The following AGMO variants were observed in gnomAD, a reference collection of about 807,000 sequenced individuals.
AGMO encodes alkylglycerol monooxygenase.
AGMO carries 75 observed loss-of-function variants against 60.2 expected under a neutral mutation model. The observed-to-expected ratio is 1.25, with a 90% CI of 1.03 to 1.51. The LOEUF (loss-of-function observed/expected upper bound fraction) is 1.51. Among genes scored for constraint, AGMO ranks in the 40% most tolerant of loss-of-function variants. The probability of loss-of-function intolerance (pLI) is 0.00; values close to 1 mark genes in which losing one functional copy is unlikely to be tolerated. For missense variants in AGMO, 763 were observed against 525.5 expected (o/e 1.45, Z -4.42); for synonymous variants, 261 against 177.1 (o/e 1.47, Z -3.76).
intron 3 of AGMO, among the ~76,000 whole-genome samples, chr7:15,497,389 T>C (rs1375149542): frequency 6.6e-6 from 1 of 152,106 alleles, no homozygotes; most frequent in African/African-American, 2.4e-5. Flanking sequence ...ATATCTTATT[T>C]CACAGGAATT....
At chr7:15,205,978 C>CT (rs1473378209) in intron 12 of AGMO, among the ~76,000 whole-genome samples, 3 of 151,890 alleles carry the variant, frequency 2.0e-5, no homozygotes, top group Admixed American at 6.6e-5. Flanking sequence ...ATATGGAGTA[C>CT]TTTTTTCCTA....
intron 9 of AGMO, among the ~76,000 whole-genome samples, chr7:15,386,174 A>C (rs1297124654): frequency 1.0e-5 from 1 of 98,368 alleles, no homozygotes; most frequent in Non-Finnish European, 2.0e-5. Flanking sequence ...GTCCCAAAAG[A>C]AAAAAAAAGA....
the AGMO span, among the ~76,000 whole-genome samples, chr7:15,181,575 G>T: frequency 2.6e-5 from 4 of 151,754 alleles, no homozygotes; most frequent in African/African-American, 9.7e-5. Context: ...TGCTCTTAAT[G>T]CAATAGGTTT....
chr7:15,425,098 T>C (rs1293096982), intron 4 of AGMO, among the ~76,000 whole-genome samples: 1 of 152,124 alleles, frequency 6.6e-6, no homozygotes, highest in Non-Finnish European at 1.5e-5. Flanking sequence ...ACTCATAAAT[T>C]AAAGTGATCT....
the AGMO span, among the ~76,000 whole-genome samples, chr7:15,148,793 G>A: frequency 6.6e-6 from 1 of 152,110 alleles, no homozygotes; most frequent in Non-Finnish European, 1.5e-5. Context: ...AGAAGTGCAT[G>A]TGTCTTTTTG....
the AGMO span, among the ~76,000 whole-genome samples, chr7:15,131,582 G>C: frequency 2.2e-3 from 328 of 152,126 alleles, 5 homozygotes; most frequent in Non-Finnish European, 2.2e-4. Context: ...AGCAGAATTT[G>C]TTTTTATCCT....
chr7:15,308,162 T>A (rs1186117849), intron 12 of AGMO, among the ~76,000 whole-genome samples: 1 of 152,150 alleles, frequency 6.6e-6, no homozygotes, highest in Non-Finnish European at 1.5e-5. Flanking sequence ...TCTGTTCTAA[T>A]TTCAGAATGG....
rs1403456632 is a variant in AGMO at position 15,531,340 on chromosome 7, ATATATT to A, written c.409+13426_409+13431del. ...TACATATATTCTATATATATTCTAT[ATATATT>A]CTATATATATTCTATATATATATTC... On this transcript the variant is annotated intron_variant, in intron 3 of 12. Transcript: ENST00000342526. Among the ~76,000 whole-genome samples, 57 of 88,860 alleles carry A rather than the reference ATATATT, an allele frequency of 6.4e-4. 1 individual carries two copies. The highest frequency in any genetic ancestry group is 2.9e-3 in the African/African-American group (55 of 19,088). 58.3% of individuals were successfully genotyped at this position (88,860 alleles called of 152,430 possible).
At chr7:15,532,464 A>T (rs1784393668) in intron 3 of AGMO, among the ~76,000 whole-genome samples, 2 of 152,134 alleles carry the variant, frequency 1.3e-5, no homozygotes, top group African/African-American at 2.4e-5. Flanking sequence ...CAAGTTAGTT[A>T]TTGTTTTAAT....
chr7:15,400,328 A>G (rs927223922), intron 5 of AGMO, among the ~76,000 whole-genome samples: 3 of 152,322 alleles, frequency 2.0e-5, no homozygotes, highest in Admixed American at 6.5e-5. Flanking sequence ...CATAACTGGG[A>G]AAAGTGCTAC....
At chr7:15,351,212 A>T (rs1308553462) in intron 12 of AGMO, among the ~76,000 whole-genome samples, 1 of 152,180 alleles carries the variant, frequency 6.6e-6, no homozygotes, top group Non-Finnish European at 1.5e-5. Context: ...AAGGGTCCTC[A>T]TGAAAATGCA....
chr7:15,473,986 A>G (rs544222585), intron 3 of AGMO, among the ~76,000 whole-genome samples: 2 of 152,224 alleles, frequency 1.3e-5, no homozygotes, highest in South Asian at 2.1e-4. Flanking sequence ...TAGGAATACA[A>G]TCTACAAGGG....
chr7:15,557,448 C>T (rs1785176167), intron 2 of AGMO, among the ~76,000 whole-genome samples: 1 of 151,966 alleles, frequency 6.6e-6, no homozygotes, highest in Non-Finnish European at 1.5e-5. Context: ...TAATGATTTG[C>T]ACAGGGATTC....
the AGMO span, among the ~76,000 whole-genome samples, chr7:15,164,912 T>C: frequency 6.6e-6 from 1 of 152,126 alleles, no homozygotes. Context: ...AAAAAATTGT[T>C]ATATCAAAAA....
At chr7:15,229,019 G>A (rs1297016930) in intron 12 of AGMO, among the ~76,000 whole-genome samples, 1 of 152,100 alleles carries the variant, frequency 6.6e-6, no homozygotes, top group African/African-American at 2.4e-5. Flanking sequence ...AACTCCTGCT[G>A]TCAGACCAGT....
At chr7:15,315,790 A>T (rs954200296) in intron 12 of AGMO, among the ~76,000 whole-genome samples, 1 of 152,164 alleles carries the variant, frequency 6.6e-6, no homozygotes, top group South Asian at 2.1e-4. Flanking sequence ...TATAAAGAGG[A>T]CCATAGCAAA....
chr7:15,253,256 T>C (rs1201489659), intron 12 of AGMO, among the ~76,000 whole-genome samples: 1 of 152,082 alleles, frequency 6.6e-6, no homozygotes, highest in Non-Finnish European at 1.5e-5. Context: ...ACAAAAAAAG[T>C]GTGCATTTCA....
At chr7:15,150,076 C>G in the AGMO span, among the ~76,000 whole-genome samples, 1 of 151,898 alleles carries the variant, frequency 6.6e-6, no homozygotes, top group Non-Finnish European at 1.5e-5. Flanking sequence ...AATGGGATTG[C>G]ATTCTTGATT....
chr7:15,121,044 T>G, the AGMO span, among the ~76,000 whole-genome samples: 1 of 152,096 alleles, frequency 6.6e-6, no homozygotes, highest in Non-Finnish European at 1.5e-5. Context: ...CATTGTTCAG[T>G]TCCCACATGT....
Sources: gnomAD v4.1 joint callset for allele counts (sites outside exome capture counted in the v4.1 genomes callset) on GRCh38, gnomAD v4.1.1 for gene constraint, MANE v1.5 for transcripts, NCBI Gene and HGNC (gene_info 2026-07-23, HGNC 2026-07-21) for gene names.